The following GAB2 variants were observed in gnomAD, a reference collection of about 807,000 sequenced individuals.
GAB2 encodes the protein GRB2 associated binding protein 2.
Under a neutral mutation model 65.5 loss-of-function variants are expected in GAB2, and 26 were observed. That is an observed-to-expected ratio of 0.40 (90% confidence interval 0.29 to 0.55). The LOEUF (loss-of-function observed/expected upper bound fraction) is 0.55. Ranked by LOEUF, GAB2 falls within the 20% of genes least tolerant of loss-of-function variation. GAB2 has a pLI of 0.53. For synonymous variants in GAB2, 321 were observed against 329.6 expected, an observed-to-expected ratio of 0.97 and a Z score of 0.28; for missense variants, 884 against 875.8, an observed-to-expected ratio of 1.01 and a Z score of -0.12.
chr11:78,305,483 G>A (rs112836847), intron 1 of GAB2, among the ~76,000 whole-genome samples: 108 of 152,314 alleles, frequency 7.1e-4, no homozygotes, highest in Non-Finnish European at 1.4e-3. Flanking sequence ...GTGGCACAGG[G>A]AGGCTCCAGG....
chr11:78,274,935 G>A (rs1245310262), intron 2 of GAB2, among the ~76,000 whole-genome samples: 2 of 152,198 alleles, frequency 1.3e-5, no homozygotes, highest in Non-Finnish European at 2.9e-5. Context: ...CAACTGTCCC[G>A]TGTTCTAGCT....
chr11:78,259,404 G>T (rs953625393), intron 2 of GAB2, among the ~76,000 whole-genome samples: 5 of 152,156 alleles, frequency 3.3e-5, no homozygotes, highest in African/African-American at 1.2e-4. Flanking sequence ...AACAGTATTT[G>T]ATAGGATTCT....
chr11:78,331,579 G>T (rs528298618), intron 1 of GAB2, among the ~76,000 whole-genome samples: 1 of 152,300 alleles, frequency 6.6e-6, no homozygotes, highest in Non-Finnish European at 1.5e-5. Flanking sequence ...AACAAATCCA[G>T]AATTTCAGTT....
At chr11:78,322,293 T>G (rs569380046) in intron 1 of GAB2, among the ~76,000 whole-genome samples, 851 of 71,354 alleles carry the variant, frequency 0.012, 12 homozygotes, top group African/African-American at 0.048. Flanking sequence ...AGGGAGACTC[T>G]GTCTCAAAAA....
chr11:78,307,636 T>G (rs1465460407), intron 1 of GAB2, among the ~76,000 whole-genome samples: 58 of 98,670 alleles, frequency 5.9e-4, no homozygotes, highest in East Asian at 1.2e-3. Context: ...GAGAGAGAGA[T>G]GTTGAGTCAA....
At chr11:78,254,420 G>T (rs1387281286) in intron 2 of GAB2, among the ~76,000 whole-genome samples, 2 of 152,232 alleles carry the variant, frequency 1.3e-5, no homozygotes, top group African/African-American at 2.4e-5. Context: ...GGATTAGGAT[G>T]AATTGGGCCT....
At chr11:78,414,019 C>T (rs1857161734) in intron 1 of GAB2, among the ~76,000 whole-genome samples, 1 of 137,272 alleles carries the variant, frequency 7.3e-6, no homozygotes, top group South Asian at 2.2e-4. Flanking sequence ...ACCCAGGAGG[C>T]AAAGGTTGCA....
chr11:78,268,192 G>T (rs1865916747), intron 2 of GAB2, among the ~76,000 whole-genome samples: 1 of 152,110 alleles, frequency 6.6e-6, no homozygotes, highest in South Asian at 2.1e-4. Flanking sequence ...TTTCATGTGA[G>T]ATTTGGTTAA....
intron 1 of GAB2, among the ~76,000 whole-genome samples, chr11:78,334,707 C>A (rs1385685457): frequency 6.6e-6 from 1 of 152,202 alleles, no homozygotes; most frequent in Non-Finnish European, 1.5e-5. Context: ...AGTGCTGCAA[C>A]AAACATGGGA....
At chr11:78,326,001 C>A (rs1451820451) in intron 1 of GAB2, among the ~76,000 whole-genome samples, 1 of 152,142 alleles carries the variant, frequency 6.6e-6, no homozygotes. Flanking sequence ...CTCCAGCCAT[C>A]CTATTCTGTT....
chr11:78,371,810 G>A (rs570109694), intron 1 of GAB2, among the ~76,000 whole-genome samples: 3 of 152,142 alleles, frequency 2.0e-5, no homozygotes, highest in Admixed American at 6.5e-5. Context: ...CAGCTGTACC[G>A]GCCAGAAAGG....
At chr11:78,359,885 CAT>C (rs1479609035) in intron 1 of GAB2, among the ~76,000 whole-genome samples, 1 of 152,100 alleles carries the variant, frequency 6.6e-6, no homozygotes, top group Non-Finnish European at 1.5e-5. Flanking sequence ...CCTTATATGA[CAT>C]AAAATGTGAT....
intron 3 of GAB2, among the ~76,000 whole-genome samples, chr11:78,239,016 A>G (rs1865059938): frequency 6.6e-6 from 1 of 152,142 alleles, no homozygotes; most frequent in South Asian, 2.1e-4. Flanking sequence ...GCACGCATGA[A>G]AAGTTGCTCA....
intron 2 of GAB2, among the ~76,000 whole-genome samples, chr11:78,269,774 G>A (rs1565135070): frequency 6.6e-6 from 1 of 152,200 alleles, no homozygotes; most frequent in Admixed American, 6.5e-5. Flanking sequence ...GTAGAGAAAA[G>A]GTGGGGAAGA....
At chr11:78,357,456 C>T (rs1049553730) in intron 1 of GAB2, among the ~76,000 whole-genome samples, 9 of 152,166 alleles carry the variant, frequency 5.9e-5, no homozygotes, top group African/African-American at 2.2e-4. Context: ...GCAAAAGACA[C>T]TACCATCAGA....
intron 3 of GAB2, among the ~76,000 whole-genome samples, chr11:78,233,026 C>T (rs996029883): frequency 2.0e-5 from 3 of 146,526 alleles, no homozygotes; most frequent in South Asian, 2.1e-4. Flanking sequence ...CTTACCAATA[C>T]CTGGCACTGT....
At chr11:78,270,403 G>C (rs1865979700) in intron 2 of GAB2, among the ~76,000 whole-genome samples, 1 of 151,764 alleles carries the variant, frequency 6.6e-6, no homozygotes, top group African/African-American at 2.4e-5. Flanking sequence ...CTTCCTTCTT[G>C]CTGTCCGTTT....
intron 1 of GAB2, among the ~76,000 whole-genome samples, chr11:78,400,943 C>T (rs920236252): frequency 3.5e-5 from 5 of 143,704 alleles, no homozygotes; most frequent in African/African-American, 1.0e-4. Context: ...TTTCATTAAG[C>T]GAAGCAGCAG....
intron 1 of GAB2, among the ~76,000 whole-genome samples, chr11:78,370,552 G>A (rs1409374475): frequency 1.3e-5 from 2 of 152,108 alleles, no homozygotes; most frequent in Non-Finnish European, 2.9e-5. Context: ...TCAGAGCAGA[G>A]AGTGGGGAAA....
Sources: allele counts gnomAD v4.1 joint callset (sites outside exome capture counted in the v4.1 genomes callset), GRCh38; gene constraint gnomAD v4.1.1; transcripts MANE v1.5; gene names NCBI Gene and HGNC (gene_info 2026-07-23, HGNC 2026-07-21).